LAYN: variants seen among roughly 807,000 people sequenced by gnomAD.
LAYN encodes the protein layilin.
In LAYN, 38 loss-of-function variants were observed where a neutral mutation model predicts 43.6. That is an observed-to-expected ratio of 0.87 (90% confidence interval 0.67 to 1.14). The LOEUF (loss-of-function observed/expected upper bound fraction) is 1.14. LAYN is among the 50% of genes most tolerant of loss of function. The pLI is 0.00. For synonymous variants in LAYN, 168 were observed against 172.9 expected, an observed-to-expected ratio of 0.97 and a Z score of 0.22; for missense variants, 479 against 463.8, an observed-to-expected ratio of 1.03 and a Z score of -0.30.
At chr11:111,548,090 T>C (rs1565266610) in intron 2 of LAYN, among the ~76,000 whole-genome samples, 2 of 152,216 alleles carry the variant, frequency 1.3e-5, no homozygotes, top group Non-Finnish European at 2.9e-5. Flanking sequence ...GACCTCTACT[T>C]AATACCTGTC....
In LAYN at chr11:111,557,650, A is replaced by G. The variant is rs374609139; in HGVS notation, c.761+7A>G. 234 of 1,595,418 alleles carry G rather than the reference A, an allele frequency of 1.5e-4. No homozygotes were observed. Among genetic ancestry groups the G allele is most frequent in the Non-Finnish European group, 1.9e-4 (222 of 1,163,028 alleles). On this transcript the variant is annotated splice_region_variant and intron_variant, in intron 6 of 6. Transcript: ENST00000375614. ...TTTGGATCTGTAGAAAAAGGCAAGT[A>G]AAACCTTCATTGTGTAAACCTTTGC... is the stretch of plus-strand genomic sequence containing the variant.
In LAYN at chr11:111,555,302, A is replaced by G. The variant is rs1164960044; in HGVS notation, c.658+12A>G. ...TAAAGAAAGTAGAGGTATCTACAAA[A>G]CTCTCCTGGGAAAGATGAATAATCA... On this transcript the variant is annotated intron_variant, in intron 5 of 6. Transcript: ENST00000375614. 1 of 1,578,382 alleles carries G rather than the reference A, an allele frequency of 6.3e-7. No individual in the cohort carries two copies. The highest frequency in any genetic ancestry group is 8.7e-7 in the Non-Finnish European group (1 of 1,148,418).
chr11:111,549,907 T>A, intron 3 of LAYN, 132 bp downstream of exon 3: 1 of 926,574 alleles, frequency 1.1e-6, no homozygotes, highest in Non-Finnish European at 1.6e-6. Context: ...CATAAAACCT[T>A]AAGAATTCTT....
rs746178198 is a variant in LAYN at position 111,554,627 on chromosome 11, G to A, written c.574+34G>A. The A allele has an allele frequency of 3.8e-6, 6 of 1,593,002 alleles. 1 individual carries two copies. The highest frequency in any genetic ancestry group is 5.2e-6 in the Non-Finnish European group (6 of 1,161,460). On this transcript the variant is annotated intron_variant, in intron 4 of 6. Transcript: ENST00000375614. ...GTTACTTGAGATTTGGGTTAACTGGGGCTGTTTCATAGCCCCTCTTCACAG... is the reference window on the plus strand; with the variant it reads ...GTTACTTGAGATTTGGGTTAACTGGAGCTGTTTCATAGCCCCTCTTCACAG...
At chr11:111,559,641 T>C (rs1309544461) in intron 6 of LAYN, among the ~76,000 whole-genome samples, 4 of 151,906 alleles carry the variant, frequency 2.6e-5, no homozygotes, top group Non-Finnish European at 4.4e-5. Flanking sequence ...GTATCTTTTA[T>C]AGGGACGGGG....
chr11:111,554,137 GA>G (rs1185182364), intron 3 of LAYN, among the ~76,000 whole-genome samples: 6 of 152,044 alleles, frequency 3.9e-5, no homozygotes, highest in Non-Finnish European at 8.8e-5. Flanking sequence ...ATTATGAACT[GA>G]AAAAATGTCT....
chr11:111,540,506 G>T (rs533354627), upstream of LAYN: 4 of 392,312 alleles, frequency 1.0e-5, no homozygotes, highest in South Asian at 1.4e-4. Context: ...AGCGCCTCGG[G>T]CAAACGCGGG....
chr11:111,558,226 A>G, intron 6 of LAYN, among the ~76,000 whole-genome samples: 1 of 151,980 alleles, frequency 6.6e-6, no homozygotes, highest in Admixed American at 6.5e-5. Context: ...TTTTATTTTT[A>G]GTACTGAAAG....
chr11:111,542,173 G>A (rs1867557638), intron 1 of LAYN, among the ~76,000 whole-genome samples: 1 of 152,238 alleles, frequency 6.6e-6, no homozygotes, highest in Non-Finnish European at 1.5e-5. Flanking sequence ...TGCCCAATTT[G>A]GAGCCAGCTT....
chr11:111,541,214 G>A, intron 1 of LAYN: 1 of 592,716 alleles, frequency 1.7e-6, no homozygotes, highest in African/African-American at 1.9e-5. Flanking sequence ...GGAGAGGTGG[G>A]GCAGTGGGCA....
chr11:111,544,353 G>T, intron 2 of LAYN, 133 bp downstream of exon 2: 1 of 875,254 alleles, frequency 1.1e-6, no homozygotes, highest in East Asian at 2.6e-5. Flanking sequence ...AGTAGCACCA[G>T]AATAGCTGCT....
chr11:111,559,983 C>A (rs549507130), intron 6 of LAYN, 112 bp from the exon 7 acceptor site: 17 of 1,246,704 alleles, frequency 1.4e-5, no homozygotes, highest in Non-Finnish European at 1.9e-5. Flanking sequence ...ATAGACGAGA[C>A]ATGCAGCTGG....
intron 5 of LAYN, 80 bp from the exon 6 acceptor site, chr11:111,557,461 T>C: frequency 8.7e-7 from 1 of 1,143,506 alleles, no homozygotes; most frequent in Non-Finnish European, 1.3e-6. Flanking sequence ...ACGATTATGC[T>C]TTTTTTAAGC....
chr11:111,542,642 A>T (rs1469088340), intron 1 of LAYN, among the ~76,000 whole-genome samples: 6 of 152,180 alleles, frequency 3.9e-5, no homozygotes, highest in Non-Finnish European at 8.8e-5. Context: ...GAGGTTCCCA[A>T]ACCAAAATAT....
chr11:111,551,254 G>C (rs1037985189), intron 3 of LAYN: 5 of 443,438 alleles, frequency 1.1e-5, no homozygotes, highest in African/African-American at 2.0e-5. Context: ...GACGTGGGAT[G>C]GGGGCATGGG....
chr11:111,555,644 G>T (rs549976104), intron 5 of LAYN, among the ~76,000 whole-genome samples: 1 of 152,282 alleles, frequency 6.6e-6, no homozygotes, highest in East Asian at 1.9e-4. Flanking sequence ...TAACATCTAT[G>T]ATTAATATTC....
chr11:111,541,493 T>A (rs1867538023), intron 1 of LAYN: 2 of 1,414,766 alleles, frequency 1.4e-6, no homozygotes, highest in Non-Finnish European at 1.9e-6. Context: ...CTCCAGTTAG[T>A]GTGGGACGAG....
chr11:111,550,259 A>G (rs1867720309), intron 3 of LAYN, among the ~76,000 whole-genome samples: 1 of 152,238 alleles, frequency 6.6e-6, no homozygotes. Context: ...CAGAGATAGC[A>G]GGTAATTTGA....
intron 3 of LAYN, among the ~76,000 whole-genome samples, chr11:111,551,815 G>A (rs780230006): frequency 6.6e-6 from 1 of 152,132 alleles, no homozygotes; most frequent in African/African-American, 2.4e-5. Flanking sequence ...AGGAAAATCG[G>A]TAGAATCTGA....
Sources: gnomAD v4.1 joint callset for allele counts (sites outside exome capture counted in the v4.1 genomes callset) on GRCh38, gnomAD v4.1.1 for gene constraint, MANE v1.5 for transcripts, NCBI Gene and HGNC (gene_info 2026-07-23, HGNC 2026-07-21) for gene names.